KCNQ5: variants seen among roughly 807,000 people sequenced by gnomAD.
The protein encoded by KCNQ5 is potassium voltage-gated channel subfamily Q member 5, also known as potassium voltage-gated channel subfamily KQT member 5.
Under a neutral mutation model 98.2 loss-of-function variants are expected in KCNQ5, and 30 were observed. The ratio of observed to expected loss-of-function variants is 0.31; its 90% CI spans 0.23 to 0.41. The LOEUF is 0.41. KCNQ5 is among the 10% of genes least tolerant of loss of function. KCNQ5 has a pLI of 1.00. For missense variants in KCNQ5, 835 were observed against 1,182.5 expected (o/e 0.71, Z 4.31); for synonymous variants, 458 against 449.4 (o/e 1.02, Z -0.24).
At chr6:72,632,208 G>A (rs774860555) in intron 1 of KCNQ5, among the ~76,000 whole-genome samples, 4 of 136,520 alleles carry the variant, frequency 2.9e-5, no homozygotes, top group African/African-American at 8.2e-5. Context: ...CGCGATCCCC[G>A]CTCACTGCAA....
At chr6:72,774,913 A>G (rs1420162786) in intron 1 of KCNQ5, among the ~76,000 whole-genome samples, 4 of 152,160 alleles carry the variant, frequency 2.6e-5, no homozygotes, top group Admixed American at 6.5e-5. Flanking sequence ...AAACTGCATT[A>G]TCTACTTGAG....
chr6:72,691,868 G>A (rs1448609455), intron 1 of KCNQ5, among the ~76,000 whole-genome samples: 5 of 152,118 alleles, frequency 3.3e-5, no homozygotes, highest in African/African-American at 1.2e-4. Context: ...CAACTTTTTA[G>A]GCTTGGATTT....
chr6:72,673,718 A>G (rs913266120), intron 1 of KCNQ5, among the ~76,000 whole-genome samples: 4 of 152,152 alleles, frequency 2.6e-5, no homozygotes, highest in African/African-American at 7.2e-5. Flanking sequence ...GGAAATTGGC[A>G]TTGTTATCCT....
intron 5 of KCNQ5, among the ~76,000 whole-genome samples, chr6:73,091,148 AAG>A (rs1158794082): frequency 2.6e-5 from 4 of 152,216 alleles, no homozygotes; most frequent in African/African-American, 9.6e-5. Flanking sequence ...AGCCATAAAA[AAG>A]GATGAGTTCA....
intron 1 of KCNQ5, among the ~76,000 whole-genome samples, chr6:72,648,604 T>A (rs1765720512): frequency 6.6e-6 from 1 of 152,068 alleles, no homozygotes. Flanking sequence ...TTTTAATGTT[T>A]AGACTTGGTA....
At chr6:72,746,064 C>CA (rs59726566) in intron 1 of KCNQ5, among the ~76,000 whole-genome samples, 6 of 80,214 alleles carry the variant, frequency 7.5e-5, no homozygotes, top group South Asian at 7.1e-4. Context: ...ACTCTATTTG[C>CA]AAAAAAAAAA....
intron 1 of KCNQ5, among the ~76,000 whole-genome samples, chr6:72,811,175 G>GC (rs1775224183): frequency 6.6e-6 from 1 of 152,184 alleles, no homozygotes; most frequent in Non-Finnish European, 1.5e-5. Flanking sequence ...CCACTAACTG[G>GC]CATTGAGCTT....
At chr6:73,149,292 C>G (rs1461607247) in intron 10 of KCNQ5, among the ~76,000 whole-genome samples, 1 of 152,104 alleles carries the variant, frequency 6.6e-6, no homozygotes. Context: ...ATTTCTTGAG[C>G]CTTTTAGGTT....
At chr6:73,165,521 C>A (rs1342610954) in intron 10 of KCNQ5, among the ~76,000 whole-genome samples, 1 of 152,190 alleles carries the variant, frequency 6.6e-6, no homozygotes, top group East Asian at 1.9e-4. Flanking sequence ...CAGCACATGG[C>A]CATGGTGACC....
chr6:73,155,060 G>A (rs147704649), intron 10 of KCNQ5, among the ~76,000 whole-genome samples: 16 of 152,236 alleles, frequency 1.1e-4, no homozygotes, highest in Non-Finnish European at 2.4e-4. Context: ...GGCATACATA[G>A]TAAAGGAAGG....
intron 3 of KCNQ5, among the ~76,000 whole-genome samples, chr6:73,044,959 C>T (rs866728669): frequency 6.6e-6 from 1 of 152,288 alleles, no homozygotes; most frequent in South Asian, 2.1e-4. Context: ...GCTGTGCCTT[C>T]AACCTGGGAA....
Position 73,041,962 on chromosome 6 carries a change from T to C in KCNQ5, c.516T>C (p.Gly172=). 6.2e-7 allele frequency: 1 copy of C among 1,613,906 alleles called. No homozygotes were observed. Among genetic ancestry groups the C allele is most frequent in the Non-Finnish European group, 8.5e-7 (1 of 1,179,802 alleles). ...AGTTCGTGATGATTGTCGTCTTTGG[T>C]TTGGAGTTCATCATTCGAATCTGGT... is the stretch of plus-strand genomic sequence containing the variant. ...ILEFVMIVVF[G]LEFIIRIWSA... is the part of the protein sequence containing the mutation. The change falls in exon 3 of 14, where the codon GGT becomes GGC. Residue 172 remains glycine, a synonymous_variant. Coordinates refer to ENST00000370398, the MANE Select transcript of KCNQ5 (RefSeq NM_019842.4).
intron 1 of KCNQ5, among the ~76,000 whole-genome samples, chr6:72,667,156 T>C (rs1325719391): frequency 6.6e-6 from 1 of 152,218 alleles, no homozygotes; most frequent in Non-Finnish European, 1.5e-5. Context: ...ACATCTGTTT[T>C]CAGTTGCCTT....
intron 1 of KCNQ5, among the ~76,000 whole-genome samples, chr6:72,812,051 C>A (rs148131346): frequency 1.5e-4 from 23 of 152,110 alleles, no homozygotes; most frequent in Non-Finnish European, 3.1e-4. Flanking sequence ...TATTTGTAAA[C>A]GGTCATGGGG....
chr6:73,038,221 A>G (rs1771527556), intron 2 of KCNQ5, among the ~76,000 whole-genome samples: 1 of 152,092 alleles, frequency 6.6e-6, no homozygotes, highest in South Asian at 2.1e-4. Context: ...TATATTGATC[A>G]TACATCGTGC....
At chr6:73,008,041 G>A (rs1769892862) in intron 2 of KCNQ5, among the ~76,000 whole-genome samples, 1 of 151,950 alleles carries the variant, frequency 6.6e-6, no homozygotes, top group Admixed American at 6.6e-5. Flanking sequence ...TCAAATTAGA[G>A]TGTTATAACT....
chr6:72,914,999 G>T (rs1229226607), intron 1 of KCNQ5, among the ~76,000 whole-genome samples: 2 of 151,862 alleles, frequency 1.3e-5, no homozygotes, highest in Non-Finnish European at 2.9e-5. Flanking sequence ...CTATGGCCCT[G>T]CACTTTCAAA....
intron 1 of KCNQ5, among the ~76,000 whole-genome samples, chr6:72,990,632 A>G (rs976920757): frequency 3.8e-5 from 5 of 130,996 alleles, no homozygotes; most frequent in African/African-American, 1.5e-4. Context: ...CTCTTTTCCT[A>G]ATTGAATACC....
chr6:72,949,109 A>T (rs1038060761), intron 1 of KCNQ5, among the ~76,000 whole-genome samples: 3 of 152,196 alleles, frequency 2.0e-5, no homozygotes, highest in African/African-American at 7.2e-5. Context: ...AAACTCAGAC[A>T]CAACATCTTT....
Sources: allele counts gnomAD v4.1 joint callset (sites outside exome capture counted in the v4.1 genomes callset), GRCh38; gene constraint gnomAD v4.1.1; transcripts MANE v1.5; gene names NCBI Gene and HGNC (gene_info 2026-07-23, HGNC 2026-07-21).